The following KIF3B variants were observed in gnomAD, a reference collection of about 807,000 sequenced individuals.
KIF3B encodes kinesin-like protein KIF3B.
Under a neutral mutation model 74.3 loss-of-function variants are expected in KIF3B, and 38 were observed. That is an observed-to-expected ratio of 0.51 (90% CI 0.39 to 0.67). The LOEUF (loss-of-function observed/expected upper bound fraction) is 0.67. Among genes scored for constraint, KIF3B ranks in the 30% least tolerant of loss-of-function variants. KIF3B has a pLI of 0.00. For synonymous variants in KIF3B, 326 were observed against 342.5 expected (o/e 0.95, Z 0.53); for missense variants, 649 against 932.0 (o/e 0.70, Z 3.95).
chr20:32,328,657 C>CCTGT (rs749251972), intron 7 of KIF3B, among the ~76,000 whole-genome samples: 8 of 151,104 alleles, frequency 5.3e-5, no homozygotes, highest in East Asian at 3.9e-4. Context: ...GTACAAACAT[C>CCTGT]CTGTCTGTCA....
intron 5 of KIF3B, among the ~76,000 whole-genome samples, chr20:32,323,516 C>G (rs554663307): frequency 3.9e-5 from 6 of 151,950 alleles, no homozygotes; most frequent in African/African-American, 1.5e-4. Flanking sequence ...TCTCCTGCCT[C>G]GGCCTCCCAG....
chr20:32,325,410 G>A (rs563617879), intron 5 of KIF3B, among the ~76,000 whole-genome samples: 11 of 152,048 alleles, frequency 7.2e-5, no homozygotes, highest in Admixed American at 3.9e-4. Context: ...GGCTGGTCTC[G>A]AACTCCTGAC....
Position 32,316,221 on chromosome 20 carries a change from A to T in KIF3B, c.1408A>T (p.Met470Leu), listed in dbSNP as rs2047826736. The T allele has an allele frequency of 6.4e-7, 1 of 1,569,048 alleles. No homozygotes were observed. The highest frequency in any genetic ancestry group is 1.4e-5 in the African/African-American group (1 of 73,752). ...AEMLGAKIKAMESKLLVGGKN... is the reference protein window; with the variant it reads ...AEMLGAKIKALESKLLVGGKN... ...TTCTACTTTGTTTCTCACTCAGGCC[A>T]TGGAGAGTAAGTTGCTTGTTGGAGG... The change falls in exon 3 of 9, where the codon ATG becomes TTG. Residue 470 changes from methionine to leucine, a missense_variant. Transcript: ENST00000375712.
intron 1 of KIF3B, among the ~76,000 whole-genome samples, chr20:32,288,623 G>A (rs1401534543): frequency 6.6e-6 from 1 of 152,060 alleles, no homozygotes; most frequent in Non-Finnish European, 1.5e-5. Context: ...TTCCCTGTGA[G>A]TAGGACCCAG....
At chr20:32,282,871 T>G (rs900127185) in intron 1 of KIF3B, among the ~76,000 whole-genome samples, 3 of 152,222 alleles carry the variant, frequency 2.0e-5, no homozygotes, top group Non-Finnish European at 2.9e-5. Context: ...CCAGAATTCC[T>G]AGAGGATTCT....
At chr20:32,324,257 A>G (rs2122713871) in intron 5 of KIF3B, among the ~76,000 whole-genome samples, 1 of 152,326 alleles carries the variant, frequency 6.6e-6, no homozygotes, top group African/African-American at 2.4e-5. Context: ...CTTGGCTACA[A>G]ACTGAGAAGT....
At chr20:32,300,299 A>G (rs1454660527) in intron 1 of KIF3B, among the ~76,000 whole-genome samples, 2 of 151,370 alleles carry the variant, frequency 1.3e-5, no homozygotes, top group East Asian at 3.9e-4. Context: ...TTTTTTTGAG[A>G]CAGAGTCTCT....
intron 1 of KIF3B, among the ~76,000 whole-genome samples, chr20:32,303,497 A>C (rs6058631): frequency 6.7e-6 from 1 of 150,242 alleles, no homozygotes; most frequent in African/African-American, 2.5e-5. Flanking sequence ...CCCGGGAGAC[A>C]CAGGTTGCAG....
intron 1 of KIF3B, among the ~76,000 whole-genome samples, chr20:32,302,587 GTCTGT>G (rs1345523397): frequency 3.3e-5 from 5 of 152,186 alleles, no homozygotes; most frequent in African/African-American, 1.2e-4. Context: ...CTTCTCAGAA[GTCTGT>G]AATGCAGAAG....
At chr20:32,326,498 A>G (rs2047904378) in intron 5 of KIF3B, among the ~76,000 whole-genome samples, 1 of 152,170 alleles carries the variant, frequency 6.6e-6, no homozygotes, top group African/African-American at 2.4e-5. Context: ...TCCCAGGCAG[A>G]AGTGACCTCT....
In KIF3B at chr20:32,316,801, C is replaced by T; in HGVS notation, c.1675C>T (p.Gln559Ter). ...AGTGAAGGCTGAGATCCATGACCTC[C>T]AAGAAGAACACATCAAGGAGCGCCA... is the stretch of plus-strand genomic sequence containing the variant. Reference protein sequence around the residue: ...QAVKAEIHDLQEEHIKERQEL... With the variant: ...QAVKAEIHDL The change falls in exon 5 of 9, where the codon CAA becomes TAA. Residue 559 changes from glutamine (Q) to a stop codon, truncating the protein, a stop_gained. Transcript: ENST00000375712. LOFTEE classifies it high-confidence loss of function. 2 of 1,614,134 alleles carry T rather than the reference C, an allele frequency of 1.2e-6. No individual in the cohort carries two copies. The highest frequency in any genetic ancestry group is 1.7e-6 in the Non-Finnish European group (2 of 1,180,028).
chr20:32,322,436 C>T (rs190527192), intron 5 of KIF3B, among the ~76,000 whole-genome samples: 3 of 149,718 alleles, frequency 2.0e-5, no homozygotes, highest in Admixed American at 6.9e-5. Flanking sequence ...TGGTGAAACC[C>T]TGTCTCTACA....
At chr20:32,312,120 CTT>C (rs35069528) in intron 2 of KIF3B, among the ~76,000 whole-genome samples, 3 of 136,774 alleles carry the variant, frequency 2.2e-5, no homozygotes, top group Non-Finnish European at 3.1e-5. Context: ...TTCTTTCTTT[CTT>C]TTTTTTTTTT....
chr20:32,303,212 T>C (rs1004910249), intron 1 of KIF3B, among the ~76,000 whole-genome samples: 1 of 152,196 alleles, frequency 6.6e-6, no homozygotes, highest in African/African-American at 2.4e-5. Context: ...AATTAGGTAT[T>C]TAGATCTCAA....
chr20:32,314,411 G>A (rs1260423611), intron 2 of KIF3B, among the ~76,000 whole-genome samples: 2 of 152,090 alleles, frequency 1.3e-5, no homozygotes, highest in African/African-American at 4.8e-5. Flanking sequence ...GTGGTGGCAT[G>A]CACCTGTAGT....
At chr20:32,325,999 T>C (rs1165935432) in intron 5 of KIF3B, among the ~76,000 whole-genome samples, 1 of 152,044 alleles carries the variant, frequency 6.6e-6, no homozygotes, top group African/African-American at 2.4e-5. Flanking sequence ...GAGTAAACAG[T>C]GAGTCAGCCT....
rs1174466984 is a variant in KIF3B at position 32,334,050 on chromosome 20, C to T, written c.*2731C>T. On this transcript the variant is annotated 3_prime_UTR_variant, in exon 9 of 9. Coordinates refer to ENST00000375712, the MANE Select transcript of KIF3B (RefSeq NM_004798.4). The stretch of plus-strand genomic sequence containing the variant: ...CTAGGTTTTCATGTCTCTAGTCATA[C>T]CTAGAATGTTCTGAGCCGTCTGAGG... The T allele has an allele frequency of 6.6e-6, 1 of 152,608 alleles. No individual in the cohort carries two copies. The highest frequency in any genetic ancestry group is 1.5e-5 in the Non-Finnish European group (1 of 68,068). The allele number at this position is 152,608 out of a possible 1,614,324, so 9.5% of individuals were successfully genotyped here. A position where few individuals can be genotyped will look rare whatever the true frequency, so the allele number is the denominator to read the frequency against.
At chr20:32,316,157 G>A (rs2047826160) in intron 2 of KIF3B, 61 bp from the exon 3 acceptor site, 1 of 990,252 alleles carries the variant, frequency 1.0e-6, no homozygotes, top group South Asian at 1.3e-5. Context: ...GCTCCCCTGT[G>A]AGGAATTATG....
chr20:32,322,804 ATATATATT>A (rs2047874191), intron 5 of KIF3B, among the ~76,000 whole-genome samples: 2 of 51,466 alleles, frequency 3.9e-5, no homozygotes, highest in African/African-American at 8.1e-5. Context: ...ATATATATTT[ATATATATT>A]TATATATATT....
Sources: gnomAD v4.1 joint callset for allele counts (sites outside exome capture counted in the v4.1 genomes callset) on GRCh38, gnomAD v4.1.1 for gene constraint, MANE v1.5 for transcripts, NCBI Gene and HGNC (gene_info 2026-07-23, HGNC 2026-07-21) for gene names.